The following RCAN2 variants were observed in gnomAD, a reference collection of about 807,000 sequenced individuals.
RCAN2 encodes the protein regulator of calcineurin 2, also known as calcipressin-2.
RCAN2 carries 9 observed loss-of-function variants against 23.6 expected under a neutral mutation model. The ratio of observed to expected loss-of-function variants is 0.38; its 90% CI spans 0.23 to 0.67. RCAN2 has a LOEUF of 0.67. Ranked by LOEUF, RCAN2 falls within the 30% of genes least tolerant of loss-of-function variation. The probability of loss-of-function intolerance (pLI) is 0.51; values close to 1 mark genes in which losing one functional copy is unlikely to be tolerated. For missense variants in RCAN2, 273 were observed against 302.3 expected (o/e 0.90, Z 0.72); for synonymous variants, 109 against 115.7 (o/e 0.94, Z 0.37).
At chr6:46,312,827 A>G (rs775301819) in intron 2 of RCAN2, among the ~76,000 whole-genome samples, 7 of 152,184 alleles carry the variant, frequency 4.6e-5, no homozygotes, top group Non-Finnish European at 1.0e-4. Context: ...ATCTGTTAAT[A>G]GAGAGGTATT....
chr6:46,435,093 C>T (rs983552112), intron 2 of RCAN2, among the ~76,000 whole-genome samples: 8 of 152,174 alleles, frequency 5.3e-5, no homozygotes, highest in African/African-American at 1.9e-4. Context: ...AATCTTCTCA[C>T]TTTGTGCCCA....
chr6:46,256,994 C>T (rs1178537547), intron 2 of RCAN2, among the ~76,000 whole-genome samples: 2 of 152,122 alleles, frequency 1.3e-5, no homozygotes, highest in African/African-American at 4.8e-5. Context: ...ATCTAAAAAC[C>T]AGGCAGAAGG....
chr6:46,356,906 T>A (rs1325044594), intron 2 of RCAN2, among the ~76,000 whole-genome samples: 1 of 152,228 alleles, frequency 6.6e-6, no homozygotes, highest in African/African-American at 2.4e-5. Flanking sequence ...AAAGGACCTA[T>A]CAAGTTCAAC....
intron 2 of RCAN2, among the ~76,000 whole-genome samples, chr6:46,388,313 C>T (rs573623801): frequency 1.4e-4 from 21 of 151,848 alleles, no homozygotes; most frequent in Middle Eastern, 3.4e-3. Context: ...CAGATGTCAG[C>T]GAGGCTGTGG....
chr6:46,469,777 G>A (rs1291269357), intron 1 of RCAN2, among the ~76,000 whole-genome samples: 1 of 152,166 alleles, frequency 6.6e-6, no homozygotes, highest in Non-Finnish European at 1.5e-5. Flanking sequence ...ATTCAGAGGT[G>A]GGGCCTTTAA....
intron 4 of RCAN2, among the ~76,000 whole-genome samples, chr6:46,243,824 AAAAAAAAAC>A (rs1472879000): frequency 2.7e-5 from 4 of 150,546 alleles, no homozygotes; most frequent in Non-Finnish European, 4.4e-5. Context: ...AAAAAAAAAA[AAAAAAAAAC>A]CAAGAAATAA....
chr6:46,454,949 G>C (rs1196940342), intron 2 of RCAN2, among the ~76,000 whole-genome samples: 1 of 152,130 alleles, frequency 6.6e-6, no homozygotes. Context: ...ACCTTCCTAG[G>C]CCTCATTGTT....
intron 2 of RCAN2, among the ~76,000 whole-genome samples, chr6:46,397,589 C>T (rs78166515): frequency 2.6e-5 from 4 of 152,090 alleles, no homozygotes; most frequent in African/African-American, 9.7e-5. Flanking sequence ...TTGTATACAT[C>T]TATAATTATT....
At chr6:46,317,906 A>T (rs1763492865) in intron 2 of RCAN2, among the ~76,000 whole-genome samples, 1 of 152,238 alleles carries the variant, frequency 6.6e-6, no homozygotes, top group Admixed American at 6.5e-5. Context: ...AATATCAGGA[A>T]TCTGTTTATA....
intron 2 of RCAN2, among the ~76,000 whole-genome samples, chr6:46,367,372 G>A (rs1362610134): frequency 2.0e-5 from 3 of 152,024 alleles, no homozygotes; most frequent in Non-Finnish European, 4.4e-5. Context: ...AAGAACACCT[G>A]CTCTTCCCAA....
intron 2 of RCAN2, among the ~76,000 whole-genome samples, chr6:46,294,166 C>T (rs982286015): frequency 8.6e-5 from 13 of 151,996 alleles, no homozygotes; most frequent in South Asian, 2.1e-4. Context: ...ACAGAATAAC[C>T]GAAACCTTAA....
intron 4 of RCAN2, among the ~76,000 whole-genome samples, chr6:46,246,242 AT>A (rs1422775811): frequency 6.6e-6 from 1 of 152,112 alleles, no homozygotes; most frequent in Non-Finnish European, 1.5e-5. Context: ...AGTGACTAAG[AT>A]TTTTTTAAAG....
At chr6:46,357,634 A>G (rs538444407) in intron 2 of RCAN2, among the ~76,000 whole-genome samples, 62 of 152,302 alleles carry the variant, frequency 4.1e-4, no homozygotes, top group African/African-American at 1.5e-3. Context: ...TAACTTTATG[A>G]TGGAGGTCCT....
intron 2 of RCAN2, among the ~76,000 whole-genome samples, chr6:46,269,152 C>A (rs1767440458): frequency 6.6e-6 from 1 of 152,170 alleles, no homozygotes; most frequent in African/African-American, 2.4e-5. Context: ...CTTCTACTAC[C>A]TTCCTTCAGC....
chr6:46,386,473 TG>T (rs1343031028), intron 2 of RCAN2, among the ~76,000 whole-genome samples: 1 of 150,240 alleles, frequency 6.7e-6, no homozygotes, highest in African/African-American at 2.4e-5. Flanking sequence ...CCAGGTGTGG[TG>T]GTGTGTGCTT....
At chr6:46,357,789 T>G (rs1239029972) in intron 2 of RCAN2, among the ~76,000 whole-genome samples, 2 of 152,126 alleles carry the variant, frequency 1.3e-5, no homozygotes, top group African/African-American at 4.8e-5. Context: ...CTAGCAGGAG[T>G]TGGCAAGGAG....
intron 2 of RCAN2, among the ~76,000 whole-genome samples, chr6:46,439,554 A>G (rs1376482749): frequency 6.6e-6 from 1 of 152,214 alleles, no homozygotes; most frequent in Admixed American, 6.5e-5. Context: ...AGATATTGCA[A>G]AAAATGAGCA....
At chr6:46,478,727 AC>A (rs1380406545) in intron 1 of RCAN2, among the ~76,000 whole-genome samples, 3 of 152,210 alleles carry the variant, frequency 2.0e-5, no homozygotes, top group Non-Finnish European at 4.4e-5. Flanking sequence ...TCTGCATTTA[AC>A]AGGGACCTGC....
chr6:46,446,512 G>T (rs904144445), intron 2 of RCAN2, among the ~76,000 whole-genome samples: 1 of 152,132 alleles, frequency 6.6e-6, no homozygotes, highest in Admixed American at 6.6e-5. Context: ...GCATAGGAAA[G>T]TATAAAATTT....
Sources: gnomAD v4.1 joint callset for allele counts (sites outside exome capture counted in the v4.1 genomes callset) on GRCh38, gnomAD v4.1.1 for gene constraint, MANE v1.5 for transcripts, NCBI Gene and HGNC (gene_info 2026-07-23, HGNC 2026-07-21) for gene names.